The following ARGFX variants were observed in gnomAD, a reference collection of about 807,000 sequenced individuals.
ARGFX encodes the protein arginine-fifty homeobox.
A neutral mutation model predicts 8.0 loss-of-function variants in ARGFX; 10 were observed. The ratio of observed to expected loss-of-function variants is 1.25; its 90% CI spans 0.77 to 2.12. ARGFX has a LOEUF of 2.12. Among genes scored for constraint, ARGFX ranks in the 30% most tolerant of loss-of-function variants. The pLI is 0.00. For missense variants in ARGFX, 282 were observed against 324.3 expected (o/e 0.87, Z 1.00); for synonymous variants, 116 against 117.8 (o/e 0.98, Z 0.10).
At chr3:121,568,354 A>G (rs1345650722) in intron 1 of ARGFX, among the ~76,000 whole-genome samples, 2 of 152,234 alleles carry the variant, frequency 1.3e-5, no homozygotes, top group Non-Finnish European at 2.9e-5. Flanking sequence ...TACTTCGTTC[A>G]TTGCAGAATC....
chr3:121,579,851 A>C (rs1266142938), intron 3 of ARGFX, among the ~76,000 whole-genome samples: 2 of 151,924 alleles, frequency 1.3e-5, no homozygotes, highest in Non-Finnish European at 2.9e-5. Context: ...GGCATCCCAA[A>C]GTGCTGGGAT....
chr3:121,576,042 T>A (rs1480149123), intron 2 of ARGFX, among the ~76,000 whole-genome samples: 8 of 152,204 alleles, frequency 5.3e-5, no homozygotes, highest in Admixed American at 5.2e-4. Context: ...CTATTCTTTT[T>A]TATTTTATAA....
intron 3 of ARGFX, among the ~76,000 whole-genome samples, chr3:121,584,261 AGG>A (rs1250438456): frequency 1.3e-5 from 2 of 151,244 alleles, no homozygotes; most frequent in South Asian, 2.1e-4. Flanking sequence ...GAAGGAAGGA[AGG>A]AAGGAAAGAA....
intron 3 of ARGFX, among the ~76,000 whole-genome samples, chr3:121,577,259 A>ATATATATATATATT (rs1403064031): frequency 6.7e-5 from 4 of 59,618 alleles, no homozygotes; most frequent in African/African-American, 1.9e-4. Context: ...ATATATATAT[A>ATATATATATATATT]TTTTTTTTTT....
chr3:121,579,956 T>C (rs1419462613), intron 3 of ARGFX, among the ~76,000 whole-genome samples: 3 of 137,494 alleles, frequency 2.2e-5, no homozygotes, highest in Non-Finnish European at 1.6e-5. Flanking sequence ...TTTTTTTTTT[T>C]TTTTTTTTTT....
intron 2 of ARGFX, 35 bp downstream of exon 2, chr3:121,570,851 C>G (rs768025710): frequency 7.0e-7 from 1 of 1,425,562 alleles, no homozygotes; most frequent in Admixed American, 2.1e-5. Context: ...CTTTCCTTTT[C>G]TACTGCCCCA....
rs77686228 is a variant in ARGFX, at chr3:121,570,685, T to C, written c.-12-17T>C. 878 of 1,528,072 alleles carry C rather than the reference T, an allele frequency of 5.7e-4. 6 individuals carry two copies. The African/African-American group carries it at 0.011, about 19-fold the overall frequency. 94.7% of individuals were successfully genotyped at this position (1,528,072 alleles called of 1,614,324 possible). A position where few individuals can be genotyped will look rare whatever the true frequency, so the allele number is the denominator to read the frequency against. Reference sequence around the variant, plus strand: ...TTCCTCATCAGCATTCCCTATCTCATAGGCCTTCCATCTCAGATTTCAGAA... The same window carrying C: ...TTCCTCATCAGCATTCCCTATCTCACAGGCCTTCCATCTCAGATTTCAGAA... On this transcript the variant is annotated splice_polypyrimidine_tract_variant and intron_variant, in intron 1 of 4. Transcript: ENST00000334384.
intron 3 of ARGFX, among the ~76,000 whole-genome samples, chr3:121,581,994 C>T (rs1372328591): frequency 2.0e-5 from 3 of 152,062 alleles, no homozygotes; most frequent in Non-Finnish European, 2.9e-5. Flanking sequence ...TTGAACAGAA[C>T]AGCTCTAGAG....
chr3:121,574,997 A>G (rs2048728034), intron 2 of ARGFX, among the ~76,000 whole-genome samples: 1 of 152,204 alleles, frequency 6.6e-6, no homozygotes, highest in South Asian at 2.1e-4. Context: ...AGTGGTTTTA[A>G]AAAAATAAGT....
Position 121,588,113 on chromosome 3 carries a change from C to A in ARGFX, c.*1513C>A, listed in dbSNP as rs2048823371. 6.6e-6 allele frequency among the ~76,000 whole-genome samples: 1 copy of A among 151,814 alleles called. No homozygotes were observed. The highest frequency in any genetic ancestry group is 2.1e-4 in the South Asian group (1 of 4,810). The stretch of plus-strand genomic sequence containing the variant: ...TCAAACTTTTAGAATGACAAGTTAG[C>A]ATATTTTCCAGCCACATGATCAACC... On this transcript the variant is annotated 3_prime_UTR_variant, in exon 5 of 5. Transcript: ENST00000334384.
At position 121,586,266 on chromosome 3, in the gene ARGFX, T is replaced by C; in HGVS notation, c.614T>C (p.Met205Thr). 6.2e-7 allele frequency: 1 copy of C among 1,614,196 alleles called. No homozygotes were observed. The highest frequency in any genetic ancestry group is 8.5e-7 in the Non-Finnish European group (1 of 1,180,038). The change falls in exon 5 of 5, where the codon ATG (methionine) becomes ACG (threonine). Residue 205 changes from methionine to threonine, a missense_variant. Coordinates refer to ENST00000334384, the MANE Select transcript of ARGFX (RefSeq NM_001012659.2). ...FTESSTSDFQMQDTQWERLVA... is the reference protein window; with the variant it reads ...FTESSTSDFQTQDTQWERLVA... ...GAGAGTTCTACCAGTGACTTCCAAA[T>C]GCAAGATACTCAGTGGGAGAGGCTG...
At chr3:121,585,395 G>A (rs79027605) in intron 4 of ARGFX, among the ~76,000 whole-genome samples, 1,782 of 152,218 alleles carry the variant, frequency 0.012, 16 homozygotes, top group Non-Finnish European at 0.018. Flanking sequence ...CAGACTCCTC[G>A]CTTAGAGTCT....
chr3:121,579,689 T>C (rs1349672873), intron 3 of ARGFX, among the ~76,000 whole-genome samples: 1 of 152,176 alleles, frequency 6.6e-6, no homozygotes, highest in Non-Finnish European at 1.5e-5. Flanking sequence ...AGATGGGTTT[T>C]CCTGGAATAG....
intron 1 of ARGFX, among the ~76,000 whole-genome samples, chr3:121,569,640 A>G (rs2048695941): frequency 6.6e-6 from 1 of 152,226 alleles, no homozygotes; most frequent in African/African-American, 2.4e-5. Context: ...TGCTGAGATT[A>G]CAGGCGTGAG....
Position 121,588,833 on chromosome 3 carries a change from A to G in ARGFX, c.*2233A>G, listed in dbSNP as rs1388393451. On this transcript the variant is annotated 3_prime_UTR_variant, in exon 5 of 5. Coordinates refer to ENST00000334384, the MANE Select transcript of ARGFX (RefSeq NM_001012659.2). ...TCCCAGCTACTTGGGAGGCTGAGGCAGGAGAATCACAAGGATTGAAACTAT... is the reference window on the plus strand; with the variant it reads ...TCCCAGCTACTTGGGAGGCTGAGGCGGGAGAATCACAAGGATTGAAACTAT... Among the ~76,000 whole-genome samples the G allele has an allele frequency of 2.0e-5, 3 of 152,210 alleles. No individual in the cohort carries two copies. Among genetic ancestry groups the G allele is most frequent in the African/African-American group, 7.2e-5 (3 of 41,458 alleles).
At chr3:121,585,190 C>T (rs190596670) in intron 4 of ARGFX, 125 bp downstream of exon 4, 210 of 1,088,500 alleles carry the variant, frequency 1.9e-4, no homozygotes, top group East Asian at 2.1e-4. Flanking sequence ...CCTACTGAAA[C>T]GGTATCAAAC....
intron 2 of ARGFX, among the ~76,000 whole-genome samples, chr3:121,571,090 T>C (rs916920049): frequency 6.6e-6 from 1 of 152,146 alleles, no homozygotes; most frequent in Admixed American, 6.6e-5. Context: ...CATAGACAGA[T>C]AGAAACTGAG....
intron 3 of ARGFX, among the ~76,000 whole-genome samples, chr3:121,581,979 C>T (rs2048783115): frequency 6.6e-6 from 1 of 152,028 alleles, no homozygotes; most frequent in Non-Finnish European, 1.5e-5. Context: ...GCAGTGGCTA[C>T]TGTATTGAAC....
At chr3:121,575,159 A>C (rs1311500267) in intron 2 of ARGFX, among the ~76,000 whole-genome samples, 1 of 152,054 alleles carries the variant, frequency 6.6e-6, no homozygotes. Context: ...ATCTCTACTA[A>C]AAATACAAAA....
Sources: gnomAD v4.1 joint callset for allele counts (sites outside exome capture counted in the v4.1 genomes callset) on GRCh38, gnomAD v4.1.1 for gene constraint, MANE v1.5 for transcripts, NCBI Gene and HGNC (gene_info 2026-07-23, HGNC 2026-07-21) for gene names.